TBC1D8: variants seen among roughly 807,000 people sequenced by gnomAD.
The protein encoded by TBC1D8 is BUB2-like protein 1.
In TBC1D8, 65 loss-of-function variants were observed where a neutral mutation model predicts 118.8. The observed-to-expected ratio is 0.55, with a 90% CI of 0.45 to 0.67. TBC1D8 has a LOEUF of 0.67. Ranked by LOEUF, TBC1D8 falls within the 30% of genes least tolerant of loss-of-function variation. The pLI, the probability that TBC1D8 is intolerant of heterozygous loss-of-function variation, is 0.00. For missense variants in TBC1D8, 1,376 were observed against 1,471.2 expected (o/e 0.94, Z 1.06); for synonymous variants, 566 against 595.8 (o/e 0.95, Z 0.73).
chr2:101,109,884 C>T (rs1167835505), intron 1 of TBC1D8: 5 of 985,390 alleles, frequency 5.1e-6, no homozygotes, highest in Non-Finnish European at 6.0e-6. Context: ...AAGCCCAAAC[C>T]GGCAAACTCT....
chr2:101,061,695 TG>T (rs2105426374), intron 2 of TBC1D8, among the ~76,000 whole-genome samples: 1 of 152,108 alleles, frequency 6.6e-6, no homozygotes, highest in Non-Finnish European at 1.5e-5. Context: ...ATGCTCTCCA[TG>T]GATCACAGAA....
intron 1 of TBC1D8, among the ~76,000 whole-genome samples, chr2:101,139,728 C>T (rs1679018475): frequency 6.6e-6 from 1 of 152,176 alleles, no homozygotes; most frequent in Non-Finnish European, 1.5e-5. Flanking sequence ...CGGCTCTTTT[C>T]CCAACTTCTC....
intron 1 of TBC1D8, among the ~76,000 whole-genome samples, chr2:101,141,421 A>G (rs1679094559): frequency 6.6e-6 from 1 of 152,132 alleles, no homozygotes; most frequent in South Asian, 2.1e-4. Flanking sequence ...TTTACAGTCT[A>G]TCACTTTCTC....
At chr2:101,133,933 A>G (rs1284434801) in intron 1 of TBC1D8, among the ~76,000 whole-genome samples, 1 of 152,156 alleles carries the variant, frequency 6.6e-6, no homozygotes, top group African/African-American at 2.4e-5. Flanking sequence ...AAGTGGAACT[A>G]TCTAACACTT....
intron 1 of TBC1D8, among the ~76,000 whole-genome samples, chr2:101,131,769 C>G (rs1047032880): frequency 2.0e-5 from 3 of 151,820 alleles, no homozygotes; most frequent in Non-Finnish European, 2.9e-5. Context: ...GAGCCAAGAT[C>G]GTGACACGAC....
chr2:101,143,063 C>CAT lies in TBC1D8; in HGVS notation c.127+8063_127+8064insAT, dbSNP rs1553426431. Among the ~76,000 whole-genome samples the CAT allele has an allele frequency of 4.3e-5, 6 of 140,000 alleles. No homozygotes were observed. In the East Asian group the frequency reaches 1.2e-3, roughly 29 times the overall value. 91.8% of individuals were successfully genotyped at this position (140,000 alleles called of 152,430 possible). On this transcript the variant is annotated intron_variant, in intron 1 of 19. Coordinates refer to ENST00000409318, the MANE Select transcript of TBC1D8 (RefSeq NM_001330348.2). ...TTATTGTTGATTTTTCTTTCCTTTCCTTTTTTTTTTTTTTCTTGAGACAGA... is the reference window on the plus strand; with the variant it reads ...TTATTGTTGATTTTTCTTTCCTTTCCATTTTTTTTTTTTTTTCTTGAGACAGA...
chr2:101,086,061 G>C (rs1396426012), intron 2 of TBC1D8, among the ~76,000 whole-genome samples: 1 of 150,768 alleles, frequency 6.6e-6, no homozygotes, highest in Non-Finnish European at 1.5e-5. Context: ...AGAATGGCAT[G>C]AACCTGGGAG....
chr2:101,081,017 C>A (rs976551519), intron 2 of TBC1D8, among the ~76,000 whole-genome samples: 1 of 152,044 alleles, frequency 6.6e-6, no homozygotes, highest in Non-Finnish European at 1.5e-5. Flanking sequence ...CTGAAGCAAC[C>A]CTCCCACCTC....
intron 1 of TBC1D8, among the ~76,000 whole-genome samples, chr2:101,091,955 T>C (rs1253005491): frequency 6.6e-6 from 1 of 152,218 alleles, no homozygotes; most frequent in African/African-American, 2.4e-5. Flanking sequence ...CACCCCGTCA[T>C]ATATTTAGTA....
chr2:101,141,507 G>A (rs1409182989), intron 1 of TBC1D8, among the ~76,000 whole-genome samples: 3 of 152,166 alleles, frequency 2.0e-5, no homozygotes, highest in African/African-American at 7.2e-5. Flanking sequence ...GAGGGAAGAA[G>A]AGAGGTTCTC....
intron 1 of TBC1D8, among the ~76,000 whole-genome samples, chr2:101,108,612 A>T (rs1677376779): frequency 6.6e-6 from 1 of 152,076 alleles, no homozygotes; most frequent in East Asian, 1.9e-4. Flanking sequence ...TCCATCTCCA[A>T]GACCAGCAAC....
intron 1 of TBC1D8, among the ~76,000 whole-genome samples, chr2:101,148,421 G>A (rs1013318316): frequency 1.3e-5 from 2 of 152,028 alleles, no homozygotes; most frequent in African/African-American, 4.8e-5. Context: ...CATAGAACAG[G>A]CAATTTAGCA....
At chr2:101,121,398 T>G (rs1678102854) in intron 1 of TBC1D8, among the ~76,000 whole-genome samples, 1 of 152,146 alleles carries the variant, frequency 6.6e-6, no homozygotes, top group South Asian at 2.1e-4. Context: ...CACAGTCCTA[T>G]CCCCGGGGCT....
At chr2:101,108,482 G>T (rs1000903068) in intron 1 of TBC1D8, among the ~76,000 whole-genome samples, 2 of 152,200 alleles carry the variant, frequency 1.3e-5, no homozygotes, top group Non-Finnish European at 2.9e-5. Context: ...ACAAACGTAT[G>T]AGTCTGATAC....
intron 1 of TBC1D8, among the ~76,000 whole-genome samples, chr2:101,138,025 T>C (rs1340911941): frequency 3.3e-5 from 5 of 152,302 alleles, no homozygotes; most frequent in Admixed American, 1.3e-4. Context: ...TTTTCACTCA[T>C]GGCAGAAGGC....
At chr2:101,135,481 G>A (rs1462260254) in intron 1 of TBC1D8, among the ~76,000 whole-genome samples, 1 of 152,098 alleles carries the variant, frequency 6.6e-6, no homozygotes, top group East Asian at 1.9e-4. Context: ...TATACCAAAT[G>A]TAGGCATGAT....
rs567216087 is a variant in TBC1D8, at chr2:101,151,021, C to A, written c.127+106G>T. 4.7e-6 allele frequency: 4 copies of A among 845,060 alleles called. No homozygotes were observed. In the South Asian group the frequency reaches 1.6e-4, roughly 34 times the overall value. 52.3% of individuals were successfully genotyped at this position (845,060 alleles called of 1,614,324 possible). A position where few individuals can be genotyped will look rare whatever the true frequency, so the allele number is the denominator to read the frequency against. ...CAGGGCCGTCCGGGCCCCGCGTCTC[C>A]CAAGAAATCGCCTCTGGCGACGCAG... is the stretch of plus-strand genomic sequence containing the variant. On this transcript the variant is annotated intron_variant, in intron 1 of 19. Transcript: ENST00000409318.
At chr2:101,106,011 C>A (rs997695423) in intron 1 of TBC1D8, among the ~76,000 whole-genome samples, 18 of 151,772 alleles carry the variant, frequency 1.2e-4, no homozygotes, top group African/African-American at 4.4e-4. Flanking sequence ...TGGTTAGATC[C>A]ATTCAGTAGA....
At chr2:101,074,247 C>A (rs891065283) in intron 2 of TBC1D8, among the ~76,000 whole-genome samples, 18 of 152,312 alleles carry the variant, frequency 1.2e-4, no homozygotes, top group African/African-American at 4.3e-4. Flanking sequence ...GTGGGTGGAG[C>A]AGTCAGAATA....
Sources: allele counts gnomAD v4.1 joint callset (sites outside exome capture counted in the v4.1 genomes callset), GRCh38; gene constraint gnomAD v4.1.1; transcripts MANE v1.5; gene names NCBI Gene and HGNC (gene_info 2026-07-23, HGNC 2026-07-21).